RPTOR: variants seen among roughly 807,000 people sequenced by gnomAD.
RPTOR encodes regulatory associated protein of MTOR complex 1.
In RPTOR, 21 loss-of-function variants were observed where a neutral mutation model predicts 169.9. That is an observed-to-expected ratio of 0.12 (90% CI 0.09 to 0.18). The LOEUF is 0.18. Among genes scored for constraint, RPTOR ranks in the 10% least tolerant of loss-of-function variants. RPTOR has a pLI of 1.00. For missense variants in RPTOR, 1,133 were observed against 1,855.9 expected (o/e 0.61, Z 7.16); for synonymous variants, 732 against 753.2 (o/e 0.97, Z 0.46).
intron 24 of RPTOR, among the ~76,000 whole-genome samples, chr17:80,927,877 G>A (rs2068831800): frequency 6.6e-6 from 1 of 151,970 alleles, no homozygotes; most frequent in Non-Finnish European, 1.5e-5. Context: ...CCGCCCGCAC[G>A]GAGGAGCTGG....
At position 80,957,725 on chromosome 17, in the gene RPTOR, G is replaced by A. The variant is rs375788793; in HGVS notation, c.3472G>A (p.Val1158Met). ...CTGGGACACAGACCGTGAGATGAAG[G>A]TGCAGGTAACCATGCAGGTGTCCCC... ...RIWDTDREMKVQDIPTGADSC... is the reference protein window; with the variant it reads ...RIWDTDREMKMQDIPTGADSC... Residue 1158 changes from valine (V) to methionine (M), a missense_variant, in exon 29 of 34, where the codon GTG becomes ATG. Val to Met is a conservative substitution (Grantham distance 21). Transcript: ENST00000306801. This position sits in a 1 kb window ranked among gnomAD's most constrained non-coding sequence, Gnocchi z 4.6. 59 of 1,613,852 alleles carry A rather than the reference G, an allele frequency of 3.7e-5. No individual in the cohort carries two copies. Among genetic ancestry groups the A allele is most frequent in the Non-Finnish European group, 4.9e-5 (58 of 1,179,980 alleles).
intron 3 of RPTOR, among the ~76,000 whole-genome samples, chr17:80,657,314 G>A (rs2065687515): frequency 6.6e-6 from 1 of 152,206 alleles, no homozygotes; most frequent in Non-Finnish European, 1.5e-5. Context: ...ACCTTGGAGA[G>A]TGTAGTTAGG....
intron 13 of RPTOR, among the ~76,000 whole-genome samples, chr17:80,867,213 A>T (rs548317608): frequency 6.6e-6 from 1 of 152,224 alleles, no homozygotes; most frequent in Non-Finnish European, 1.5e-5. Context: ...TGAAAAATCA[A>T]TGGATGCCTC....
Position 80,745,537 on chromosome 17 carries a change from T to C in RPTOR, c.655-8473T>C, listed in dbSNP as rs188284068. Among the ~76,000 whole-genome samples, 173 of 152,360 alleles carry C rather than the reference T, an allele frequency of 1.1e-3. 2 individuals carry two copies. Among genetic ancestry groups the C allele is most frequent in the Non-Finnish European group, 5.4e-4 (37 of 68,028 alleles). On this transcript the variant is annotated intron_variant, in intron 5 of 33. Coordinates refer to ENST00000306801, the MANE Select transcript of RPTOR (RefSeq NM_020761.3). ...TTAAAAATATGATTTCTGCTTTGCATCTGCTCTTTTTGGTACACTGTGTGT... is the reference window on the plus strand; with the variant it reads ...TTAAAAATATGATTTCTGCTTTGCACCTGCTCTTTTTGGTACACTGTGTGT...
At chr17:80,749,512 G>A (rs1409910845) in intron 5 of RPTOR, among the ~76,000 whole-genome samples, 6 of 135,964 alleles carry the variant, frequency 4.4e-5, no homozygotes, top group Non-Finnish European at 9.6e-5. Flanking sequence ...GGCCGTGGCG[G>A]GAGGACCTGT....
chr17:80,840,612 A>T (rs1255772818), intron 10 of RPTOR, among the ~76,000 whole-genome samples: 2 of 9,790 alleles, frequency 2.0e-4, no homozygotes, highest in Admixed American at 2.6e-3. Context: ...GCTCACTCTC[A>T]CCACACCACA....
chr17:80,612,436 T>C (rs1208924421), intron 1 of RPTOR, among the ~76,000 whole-genome samples: 1 of 152,216 alleles, frequency 6.6e-6, no homozygotes, highest in Admixed American at 6.5e-5. Flanking sequence ...GCCTAATATA[T>C]GAATCTTAAT....
intron 5 of RPTOR, among the ~76,000 whole-genome samples, chr17:80,743,695 CCCTGGCTACTAGCACTGT>C (rs1397438758): frequency 4.1e-5 from 4 of 98,096 alleles, no homozygotes; most frequent in East Asian, 3.3e-4. Flanking sequence ...ACTAGCACAG[CCCTGGCTACTAGCACTGT>C]CCTGGCTACG....
intron 6 of RPTOR, among the ~76,000 whole-genome samples, chr17:80,788,946 C>G (rs191280886): frequency 6.6e-6 from 1 of 152,296 alleles, no homozygotes; most frequent in East Asian, 1.9e-4. Context: ...GTTAGCAATT[C>G]TGGTATAAAG....
At chr17:80,950,427 C>T (rs1310648189) in intron 28 of RPTOR, among the ~76,000 whole-genome samples, 5 of 152,144 alleles carry the variant, frequency 3.3e-5, no homozygotes, top group African/African-American at 7.2e-5. Flanking sequence ...GCACCTGTCC[C>T]GGGAGATGCC....
rs1005658281 is a variant in RPTOR, at chr17:80,774,105, TA to T, written c.831-17341del. The T allele has an allele frequency of 6.1e-5, 60 of 985,420 alleles. No individual in the cohort carries two copies. In the African/African-American group the frequency reaches 6.5e-4, roughly 11 times the overall value. 61.0% of individuals were successfully genotyped at this position (985,420 alleles called of 1,614,324 possible). The stretch of plus-strand genomic sequence containing the variant: ...GTTCACTAGAAACACCTCAAGTTTT[TA>T]AAAGGCTCCTCTCCTGTTGGTGTGA... On this transcript the variant is annotated intron_variant, in intron 6 of 33. Coordinates refer to ENST00000306801, the MANE Select transcript of RPTOR (RefSeq NM_020761.3).
intron 7 of RPTOR, among the ~76,000 whole-genome samples, chr17:80,817,634 C>T (rs1030962896): frequency 1.3e-5 from 2 of 150,942 alleles, no homozygotes; most frequent in Admixed American, 6.6e-5. Context: ...CGGGCAGGTC[C>T]GGGAGAAGGG....
At chr17:80,791,249 T>G (rs940112494) in intron 6 of RPTOR, among the ~76,000 whole-genome samples, 2 of 151,932 alleles carry the variant, frequency 1.3e-5, no homozygotes, top group Non-Finnish European at 2.9e-5. Context: ...GTGGCAGCTC[T>G]GTAGTCTCAC....
At chr17:80,597,990 A>G (rs2065156508) in intron 1 of RPTOR, among the ~76,000 whole-genome samples, 1 of 152,174 alleles carries the variant, frequency 6.6e-6, no homozygotes, top group Non-Finnish European at 1.5e-5. Flanking sequence ...AAAATTAAAA[A>G]TATTAGCTGG....
chr17:80,817,622 G>A (rs2067337594), intron 7 of RPTOR, among the ~76,000 whole-genome samples: 1 of 152,120 alleles, frequency 6.6e-6, no homozygotes, highest in Non-Finnish European at 1.5e-5. Flanking sequence ...ATGACAGGGA[G>A]CCGGGCAGGT....
intron 5 of RPTOR, among the ~76,000 whole-genome samples, chr17:80,747,804 C>T (rs756437824): frequency 9.0e-4 from 137 of 152,360 alleles, no homozygotes; most frequent in Admixed American, 1.2e-3. Flanking sequence ...ACTGGAGACT[C>T]GCCCCACCAC....
At chr17:80,606,103 C>T (rs1412393336) in intron 1 of RPTOR, among the ~76,000 whole-genome samples, 1 of 152,072 alleles carries the variant, frequency 6.6e-6, no homozygotes, top group Non-Finnish European at 1.5e-5. Flanking sequence ...GTTCCGCCTC[C>T]CGGGTTCACG....
intron 11 of RPTOR, among the ~76,000 whole-genome samples, chr17:80,847,482 G>A (rs556287213): frequency 7.3e-5 from 11 of 150,790 alleles, no homozygotes; most frequent in Admixed American, 6.6e-4. Context: ...TAGATATCAA[G>A]GTCTAAGAAC....
intron 1 of RPTOR, among the ~76,000 whole-genome samples, chr17:80,601,018 T>A (rs1160716798): frequency 2.0e-5 from 3 of 152,186 alleles, no homozygotes; most frequent in Non-Finnish European, 2.9e-5. Context: ...GGGCTGTGAC[T>A]GGATGGGAAA....
Sources: allele counts gnomAD v4.1 joint callset (sites outside exome capture counted in the v4.1 genomes callset), GRCh38; gene constraint gnomAD v4.1.1; non-coding constraint Gnocchi (gnomAD v3.1); transcripts MANE v1.5; gene names NCBI Gene and HGNC (gene_info 2026-07-23, HGNC 2026-07-21).